SLC5A7: variants seen among roughly 807,000 people sequenced by gnomAD.
The protein encoded by SLC5A7 is high affinity choline transporter 1.
A neutral mutation model predicts 55.4 loss-of-function variants in SLC5A7; 19 were observed. That is an observed-to-expected ratio of 0.34 (90% confidence interval 0.24 to 0.50). SLC5A7 has a LOEUF of 0.50. Among genes scored for constraint, SLC5A7 ranks in the 20% least tolerant of loss-of-function variants. The probability of loss-of-function intolerance (pLI) is 0.98; values close to 1 mark genes in which losing one functional copy is unlikely to be tolerated. For missense variants in SLC5A7, 506 were observed against 705.3 expected (o/e 0.72, Z 3.20); for synonymous variants, 265 against 263.7 (o/e 1.00, Z -0.05).
chr2:107,997,717 C>A, intron 4 of SLC5A7, 121 bp from the exon 5 acceptor site: 1 of 952,744 alleles, frequency 1.0e-6, no homozygotes, highest in Non-Finnish European at 1.5e-6. Flanking sequence ...TGTTTTCATC[C>A]ACTGCATTTC....
intron 7 of SLC5A7, among the ~76,000 whole-genome samples, chr2:108,007,073 A>G (rs1334603092): frequency 6.6e-6 from 1 of 152,194 alleles, no homozygotes; most frequent in Non-Finnish European, 1.5e-5. Flanking sequence ...ATTTAATTAA[A>G]TGTATTAATT....
At chr2:108,000,781 G>A (rs1677857763) in intron 5 of SLC5A7, among the ~76,000 whole-genome samples, 21 of 152,076 alleles carry the variant, frequency 1.4e-4, no homozygotes, top group Admixed American at 1.3e-3. Flanking sequence ...TTTTGGTAGA[G>A]ATGGGGTTTC....
intron 8 of SLC5A7, among the ~76,000 whole-genome samples, chr2:108,009,898 A>T (rs1164310025): frequency 6.6e-6 from 1 of 152,170 alleles, no homozygotes; most frequent in East Asian, 1.9e-4. Context: ...GTTCCCTAAT[A>T]TGTAAAGTGA....
intron 6 of SLC5A7, 126 bp from the exon 7 acceptor site, chr2:108,005,923 G>T (rs1355216590): frequency 1.8e-6 from 2 of 1,110,244 alleles, no homozygotes; most frequent in Admixed American, 5.3e-5. Flanking sequence ...GATATTTGTG[G>T]CTACATGCCA....
chr2:107,994,746 C>T (rs11685666), intron 4 of SLC5A7, among the ~76,000 whole-genome samples: 12,436 of 152,102 alleles, frequency 0.082, 630 homozygotes, highest in Admixed American at 0.16. Context: ...TTGCATTGGG[C>T]GCTTGTTTGC....
At chr2:107,994,273 T>C (rs1408035883) in intron 4 of SLC5A7, among the ~76,000 whole-genome samples, 1 of 152,112 alleles carries the variant, frequency 6.6e-6, no homozygotes, top group Non-Finnish European at 1.5e-5. Flanking sequence ...TATTTGATCG[T>C]TATAAAATAC....
intron 5 of SLC5A7, 56 bp downstream of exon 5, chr2:107,998,042 T>C (rs1677742943): frequency 6.7e-7 from 1 of 1,482,814 alleles, no homozygotes; most frequent in Non-Finnish European, 9.1e-7. Flanking sequence ...GTAATGTATT[T>C]TATACTAACT....
intron 5 of SLC5A7, 56 bp from the exon 6 acceptor site, chr2:108,001,841 T>C: frequency 6.3e-7 from 1 of 1,594,788 alleles, no homozygotes; most frequent in East Asian, 2.2e-5. Flanking sequence ...AAATCTTGCA[T>C]ATATCAGACA....
At chr2:107,993,593 C>G (rs954305655) in intron 4 of SLC5A7, among the ~76,000 whole-genome samples, 2 of 152,136 alleles carry the variant, frequency 1.3e-5, no homozygotes, top group Admixed American at 1.3e-4. Context: ...TTCCTGCAAA[C>G]TGAGAACTTT....
chr2:107,989,346 A>G (rs970654919), intron 2 of SLC5A7, among the ~76,000 whole-genome samples: 1 of 152,208 alleles, frequency 6.6e-6, no homozygotes, highest in Non-Finnish European at 1.5e-5. Context: ...CACCGTGTAT[A>G]TCAGATAGTT....
chr2:107,998,340 A>C (rs1298491287), intron 5 of SLC5A7, among the ~76,000 whole-genome samples: 2 of 152,182 alleles, frequency 1.3e-5, no homozygotes, highest in South Asian at 4.1e-4. Context: ...TAACTTGTAC[A>C]AGTCTCCCTT....
At chr2:107,993,995 T>C (rs1677556270) in intron 4 of SLC5A7, among the ~76,000 whole-genome samples, 1 of 152,214 alleles carries the variant, frequency 6.6e-6, no homozygotes, top group Admixed American at 6.5e-5. Context: ...AAATGTCTTC[T>C]CAATAACTTA....
Position 108,012,098 on chromosome 2 carries a change from C to T in SLC5A7, c.*1237C>T, listed in dbSNP as rs1321650270. The stretch of plus-strand genomic sequence containing the variant: ...ATTTTAACATTTGATGTCTAGATAA[C>T]ATTCATGAGATTGGTCATTAAATAC... On this transcript the variant is annotated 3_prime_UTR_variant, in exon 9 of 9. Coordinates refer to ENST00000264047, the MANE Select transcript of SLC5A7 (RefSeq NM_021815.5). 1.3e-5 allele frequency: 2 copies of T among 152,474 alleles called. No homozygotes were observed. Among genetic ancestry groups the T allele is most frequent in the Non-Finnish European group, 2.9e-5 (2 of 67,988 alleles). The allele number at this position is 152,474 out of a possible 1,614,324, so 9.4% of individuals were successfully genotyped here.
At chr2:107,997,770 T>G in intron 4 of SLC5A7, 68 bp from the exon 5 acceptor site, 1 of 1,391,902 alleles carries the variant, frequency 7.2e-7, no homozygotes, top group Non-Finnish European at 9.4e-7. Context: ...GAACTTTCAT[T>G]ATGTCCTTAT....
chr2:107,999,732 A>C (rs1677811379), intron 5 of SLC5A7, among the ~76,000 whole-genome samples: 1 of 152,260 alleles, frequency 6.6e-6, no homozygotes. Flanking sequence ...TGGAGCTCCA[A>C]AACTGTAAAC....
Position 108,011,378 on chromosome 2 carries a change from T to C in SLC5A7, c.*517T>C, listed in dbSNP as rs1222878299. On this transcript the variant is annotated 3_prime_UTR_variant, in exon 9 of 9. Coordinates refer to ENST00000264047, the MANE Select transcript of SLC5A7 (RefSeq NM_021815.5). ...ACCCCTTCTTTCATGTTCTGAGCTA[T>C]AACATTTGCTGAATATGCAATTTGT... 6.6e-6 allele frequency: 1 copy of C among 152,288 alleles called. No individual in the cohort carries two copies. Among genetic ancestry groups the C allele is most frequent in the African/African-American group, 2.4e-5 (1 of 41,460 alleles). The allele number at this position is 152,288 out of a possible 1,614,324, so 9.4% of individuals were successfully genotyped here.
intron 8 of SLC5A7, 43 bp downstream of exon 8, chr2:108,008,725 C>G (rs777704245): frequency 6.7e-7 from 1 of 1,487,808 alleles, no homozygotes; most frequent in Admixed American, 1.7e-5. Flanking sequence ...TAGCATTGCT[C>G]TTGCTGCTTC....
chr2:108,001,145 C>T (rs953324954), intron 5 of SLC5A7, among the ~76,000 whole-genome samples: 4 of 151,848 alleles, frequency 2.6e-5, no homozygotes, highest in Non-Finnish European at 5.9e-5. Context: ...CCACATCCCT[C>T]CCCTCCTCCC....
intron 6 of SLC5A7, 129 bp downstream of exon 6, chr2:108,002,169 T>C: frequency 9.0e-7 from 1 of 1,106,344 alleles, no homozygotes. Context: ...TTGAGGACTC[T>C]CTATCGGGAG....
Sources: allele counts gnomAD v4.1 joint callset (sites outside exome capture counted in the v4.1 genomes callset), GRCh38; gene constraint gnomAD v4.1.1; transcripts MANE v1.5; gene names NCBI Gene and HGNC (gene_info 2026-07-23, HGNC 2026-07-21).